The following KCNN1 variants were observed in gnomAD, a reference collection of about 807,000 sequenced individuals.
KCNN1 encodes potassium calcium-activated channel subfamily N member 1.
A neutral mutation model predicts 44.7 loss-of-function variants in KCNN1; 20 were observed. That is an observed-to-expected ratio of 0.45 (90% CI 0.32 to 0.65). The LOEUF (loss-of-function observed/expected upper bound fraction) is 0.65. Among genes scored for constraint, KCNN1 ranks in the 30% least tolerant of loss-of-function variants. KCNN1 has a pLI of 0.05. For missense variants in KCNN1, 632 were observed against 785.3 expected, an observed-to-expected ratio of 0.80 and a Z score of 2.33; for synonymous variants, 324 against 341.7, an observed-to-expected ratio of 0.95 and a Z score of 0.57.
At chr19:17,967,742 C>T (rs766972124) in intron 1 of KCNN1, among the ~76,000 whole-genome samples, 163 of 152,172 alleles carry the variant, frequency 1.1e-3, no homozygotes, top group Middle Eastern at 3.4e-3. Flanking sequence ...TCTTCCATCT[C>T]TCCCCGGACA....
At chr19:17,952,567 G>A (rs2031439558) in intron 1 of KCNN1, among the ~76,000 whole-genome samples, 1 of 152,120 alleles carries the variant, frequency 6.6e-6, no homozygotes, top group South Asian at 2.1e-4. Context: ...TTCCAGGTCT[G>A]GGGAAGCGCA....
At chr19:17,981,565 AAAAG>A (rs370172112) in intron 3 of KCNN1, 140 bp from the exon 4 acceptor site, 230 of 701,138 alleles carry the variant, frequency 3.3e-4, no homozygotes, top group Admixed American at 7.5e-4. Context: ...AAAAAAAAAA[AAAAG>A]AAAGAAAGAA....
intron 3 of KCNN1, among the ~76,000 whole-genome samples, chr19:17,977,470 A>C (rs186217880): frequency 6.6e-6 from 1 of 151,788 alleles, no homozygotes; most frequent in African/African-American, 2.4e-5. Flanking sequence ...GCCCCCAGGT[A>C]GCTGGGATTA....
chr19:17,975,052 C>A, intron 2 of KCNN1, 40 bp from the exon 3 acceptor site: 1 of 1,555,876 alleles, frequency 6.4e-7, no homozygotes, highest in Non-Finnish European at 8.9e-7. Flanking sequence ...CGGCCCACCG[C>A]CTCCAGCGTC....
Position 17,993,813 on chromosome 19 carries a change from G to A in KCNN1, c.1377+254G>A, listed in dbSNP as rs1410745138. ...TTAATCCCAGCTACTTGGGGGCTGA[G>A]GGAGGAGAATCGCTTGAACTTGGGG... On this transcript the variant is annotated intron_variant, in intron 9 of 9. Transcript: ENST00000684775. This position sits in a 1 kb window ranked among gnomAD's most constrained non-coding sequence, Gnocchi z 4.5. Among the ~76,000 whole-genome samples, 5 of 152,134 alleles carry A rather than the reference G, an allele frequency of 3.3e-5. No homozygotes were observed. The East Asian group carries it at 9.6e-4, about 29-fold the overall frequency.
intron 1 of KCNN1, among the ~76,000 whole-genome samples, chr19:17,968,788 C>A (rs527449562): frequency 6.6e-6 from 1 of 152,132 alleles, no homozygotes; most frequent in South Asian, 2.1e-4. Flanking sequence ...GGGAAGGGAG[C>A]TCTCATGACC....
In KCNN1 at chr19:17,981,927, C is replaced by T. The variant is rs1186494633; in HGVS notation, c.717C>T (p.Tyr239=). ...CCATCCCCATGTTCCTGCGCCTCTA[C>T]CTGCTGGGCCGGGTGATGCTACTGC... ...LLSIPMFLRL[Y]LLGRVMLLHS... The change falls in exon 4 of 10, where the codon TAC becomes TAT. Residue 239 remains tyrosine (Y), a synonymous_variant. Coordinates refer to ENST00000684775, the MANE Select transcript of KCNN1 (RefSeq NM_001386974.1). 3.1e-6 allele frequency: 5 copies of T among 1,613,068 alleles called. No individual in the cohort carries two copies. Among genetic ancestry groups the T allele is most frequent in the South Asian group, 1.1e-5 (1 of 90,904 alleles).
At chr19:17,978,145 G>A (rs1018809704) in intron 3 of KCNN1, among the ~76,000 whole-genome samples, 1 of 50,894 alleles carries the variant, frequency 2.0e-5, no homozygotes, top group African/African-American at 7.9e-5. Flanking sequence ...TTTTTTTTTT[G>A]AGATGGCGTC....
At chr19:17,995,860 AC>A (rs2145979183) in intron 9 of KCNN1, among the ~76,000 whole-genome samples, 1 of 152,280 alleles carries the variant, frequency 6.6e-6, no homozygotes, top group Non-Finnish European at 1.5e-5. Context: ...TGCTGGGATT[AC>A]AGGCATAAGC....
At chr19:17,965,686 C>T (rs2031785274), upstream of KCNN1, among the ~76,000 whole-genome samples, 1 of 152,074 alleles carries the variant, frequency 6.6e-6, no homozygotes, top group Non-Finnish European at 1.5e-5. Context: ...TCTTGCTCTG[C>T]AGTGACTCTC....
At chr19:17,959,000 C>CTAGT (rs113179845) in intron 2 of KCNN1, among the ~76,000 whole-genome samples, 1 of 143,400 alleles carries the variant, frequency 7.0e-6, no homozygotes, top group Non-Finnish European at 1.5e-5. Context: ...ACGTCCAGCC[C>CTAGT]TATTTATTTA....
chr19:17,959,000 CTATT>C (rs35942195), intron 2 of KCNN1, among the ~76,000 whole-genome samples: 32,640 of 143,310 alleles, frequency 0.23, 3,729 homozygotes, highest in African/African-American at 0.29. Context: ...ACGTCCAGCC[CTATT>C]TATTTATTTA....
Position 17,993,086 on chromosome 19 carries a change from G to C in KCNN1, c.1307+24G>C. 1 of 1,613,668 alleles carries C rather than the reference G, an allele frequency of 6.2e-7. No individual in the cohort carries two copies. Among genetic ancestry groups the C allele is most frequent in the Non-Finnish European group, 8.5e-7 (1 of 1,179,746 alleles). On this transcript the variant is annotated intron_variant, in intron 8 of 9. Transcript: ENST00000684775. This position sits in a 1 kb window ranked among gnomAD's most constrained non-coding sequence, Gnocchi z 4.5. ...AAGTAAGTGTTCTCCCAGGGGCTTG[G>C]TGGGGCTGGGAAATCGGGGGTGCAT...
chr19:17,961,660 C>T (rs896704144), intron 2 of KCNN1, among the ~76,000 whole-genome samples: 16 of 150,592 alleles, frequency 1.1e-4, no homozygotes, highest in Non-Finnish European at 2.1e-4. Context: ...TGGCTCACTG[C>T]AACCTCTGCC....
At chr19:17,967,078 G>A, upstream of KCNN1, 1 of 976,056 alleles carries the variant, frequency 1.0e-6, no homozygotes, top group Non-Finnish European at 1.2e-6. Flanking sequence ...CTCCCGCGTC[G>A]CACCGCCCCC....
At chr19:17,956,723 G>T (rs143693918) in intron 2 of KCNN1, among the ~76,000 whole-genome samples, 54 of 152,008 alleles carry the variant, frequency 3.6e-4, no homozygotes, top group African/African-American at 1.3e-3. Flanking sequence ...TGTAGTCTGG[G>T]TGACAGTGAG....
At chr19:17,997,321 G>A (rs1434781736) in intron 9 of KCNN1, among the ~76,000 whole-genome samples, 1 of 152,078 alleles carries the variant, frequency 6.6e-6, no homozygotes, top group Non-Finnish European at 1.5e-5. Context: ...CGCTCCTGCT[G>A]TTCCCCAGCC....
chr19:17,980,361 C>G (rs2032363700), intron 3 of KCNN1, among the ~76,000 whole-genome samples: 1 of 149,280 alleles, frequency 6.7e-6, no homozygotes, highest in African/African-American at 2.5e-5. Context: ...GGATTACAGG[C>G]AGGAGCCACT....
chr19:17,965,244 A>T (rs2031769573), upstream of KCNN1, among the ~76,000 whole-genome samples: 1 of 150,668 alleles, frequency 6.6e-6, no homozygotes, highest in Non-Finnish European at 1.5e-5. Flanking sequence ...GCTGCACTCC[A>T]GCCTGGGCGA....
Sources: allele counts gnomAD v4.1 joint callset (sites outside exome capture counted in the v4.1 genomes callset), GRCh38; gene constraint gnomAD v4.1.1; non-coding constraint Gnocchi (gnomAD v3.1); transcripts MANE v1.5; gene names NCBI Gene and HGNC (gene_info 2026-07-23, HGNC 2026-07-21).